ANK1: variants seen among roughly 807,000 people sequenced by gnomAD.
ANK1 encodes the protein ankyrin 1.
Under a neutral mutation model 210.4 loss-of-function variants are expected in ANK1, and 51 were observed. The ratio of observed to expected loss-of-function variants is 0.24; its 90% confidence interval spans 0.19 to 0.31. ANK1 has a LOEUF of 0.31. Ranked by LOEUF, ANK1 falls within the 10% of genes least tolerant of loss-of-function variation. The pLI is 1.00. For missense variants in ANK1, 2,051 were observed against 2,504.4 expected (o/e 0.82, Z 3.86); for synonymous variants, 967 against 1,025.9 (o/e 0.94, Z 1.10).
At chr8:41,806,207 T>TA (rs1236993486) in intron 1 of ANK1, among the ~76,000 whole-genome samples, 1 of 152,166 alleles carries the variant, frequency 6.6e-6, no homozygotes, top group Non-Finnish European at 1.5e-5. Context: ...AAGCTATTTT[T>TA]AAAAATCACA....
intron 42 of ANK1, among the ~76,000 whole-genome samples, chr8:41,657,291 T>C (rs1806087753): frequency 6.6e-6 from 1 of 152,198 alleles, no homozygotes; most frequent in African/African-American, 2.4e-5. Flanking sequence ...TCAAGTCCCA[T>C]GCTGCCTGAC....
In ANK1 at chr8:41,715,748, G is replaced by A. The variant is rs34387324; in HGVS notation, c.1506C>T (p.Ala502=). The change falls in exon 14 of 43, where the codon GCC becomes GCT. Residue 502 remains alanine, a synonymous_variant. Transcript: ENST00000289734. ...CTGCAATGTGCAGGGGGGTGTGCCC[G>A]GCGGTGGTGGCCAGGTTGGGGTTGG... ...NNANPNLATT[A]GHTPLHIAAR... The A allele has an allele frequency of 6.2e-3, 9,948 of 1,614,234 alleles. 47 individuals carry two copies. Among genetic ancestry groups the A allele is most frequent in the Non-Finnish European group, 7.8e-3 (9,214 of 1,180,048 alleles).
At chr8:41,850,278 T>C (rs529117305) in intron 1 of ANK1, among the ~76,000 whole-genome samples, 145 of 152,160 alleles carry the variant, frequency 9.5e-4, no homozygotes, top group African/African-American at 3.1e-3. Flanking sequence ...TGAAACTAAA[T>C]AATGCTTAAG....
intron 1 of ANK1, among the ~76,000 whole-genome samples, chr8:41,775,247 G>A (rs1049288421): frequency 6.6e-6 from 1 of 152,206 alleles, no homozygotes; most frequent in Non-Finnish European, 1.5e-5. Flanking sequence ...TCTGGAGCAG[G>A]CGGGGCCGAC....
At chr8:41,786,073 A>AAAGCATTGTATCTT (rs1846313002) in intron 1 of ANK1, among the ~76,000 whole-genome samples, 1 of 152,060 alleles carries the variant, frequency 6.6e-6, no homozygotes, top group Non-Finnish European at 1.5e-5. Context: ...CCTCCTCCCG[A>AAAGCATTGTATCTT]GTTTCCAAAG....
At chr8:41,769,514 G>A (rs868270550) in intron 1 of ANK1, among the ~76,000 whole-genome samples, 3 of 152,202 alleles carry the variant, frequency 2.0e-5, no homozygotes, top group African/African-American at 4.8e-5. Context: ...GAGAGAGAGA[G>A]AAAATTCCCC....
chr8:41,660,701 C>A (rs138348144), intron 42 of ANK1, among the ~76,000 whole-genome samples: 39 of 152,322 alleles, frequency 2.6e-4, no homozygotes, highest in African/African-American at 8.9e-4. Context: ...CCAACCCTGA[C>A]GGTCTCCTGA....
chr8:41,842,398 C>A (rs566979217), intron 1 of ANK1, among the ~76,000 whole-genome samples: 1 of 152,058 alleles, frequency 6.6e-6, no homozygotes, highest in African/African-American at 2.4e-5. Flanking sequence ...GAGGCTGAGG[C>A]AGGAGAATCA....
At chr8:41,664,045 C>T in intron 39 of ANK1, 1 of 544,774 alleles carries the variant, frequency 1.8e-6, no homozygotes, top group Non-Finnish European at 3.5e-6. Flanking sequence ...ACGGAGGAGG[C>T]CCTGAGAGAG....
chr8:41,820,383 A>C (rs1804051398), intron 1 of ANK1, among the ~76,000 whole-genome samples: 1 of 146,874 alleles, frequency 6.8e-6, no homozygotes, highest in African/African-American at 2.5e-5. Flanking sequence ...GTGTGTGTAG[A>C]CATGGTCTCC....
At chr8:41,855,463 C>T (rs1812022507) in intron 1 of ANK1, among the ~76,000 whole-genome samples, 1 of 152,226 alleles carries the variant, frequency 6.6e-6, no homozygotes. Flanking sequence ...TTTTGGATCA[C>T]TGGGTCATGT....
intron 1 of ANK1, among the ~76,000 whole-genome samples, chr8:41,787,034 A>G (rs569419266): frequency 6.6e-6 from 1 of 152,270 alleles, no homozygotes; most frequent in Admixed American, 6.5e-5. Flanking sequence ...TCCACTCCAC[A>G]TGTATTTATT....
chr8:41,836,643 G>A (rs148598958), intron 1 of ANK1, among the ~76,000 whole-genome samples: 180 of 152,380 alleles, frequency 1.2e-3, no homozygotes, highest in African/African-American at 4.3e-3. Flanking sequence ...GAGGGTAAGA[G>A]GTGGATGCAG....
At chr8:41,821,216 A>G (rs1339636554) in intron 1 of ANK1, among the ~76,000 whole-genome samples, 1 of 152,224 alleles carries the variant, frequency 6.6e-6, no homozygotes, top group Non-Finnish European at 1.5e-5. Context: ...AAATCATGAG[A>G]GACTTTGTCA....
At position 41,723,623 on chromosome 8, in the gene ANK1, G is replaced by A. The variant is rs761960519; in HGVS notation, c.722C>T (p.Thr241Met). The A allele has an allele frequency of 4.3e-6, 7 of 1,613,072 alleles. No individual in the cohort carries two copies. Among genetic ancestry groups the A allele is most frequent in the Admixed American group, 1.7e-5 (1 of 60,008 alleles). Residue 241 changes from threonine to methionine, a missense_variant, in exon 8 of 43, where the codon ACG (threonine) becomes ATG (methionine). Thr to Met is a moderately conservative substitution (Grantham distance 81). Transcript: ENST00000289734. ...SVNFTPQNGI[T>M]PLHIASRRGN... The stretch of plus-strand genomic sequence containing the variant: ...CCTGCGGGAGGCGATGTGCAGTGGC[G>A]TGATGCCGTTCTGAAGGGAGGAAGC...
chr8:41,688,593 C>T lies in ANK1; in HGVS notation c.4105-4G>A. ...TCCTATCTTCGGCTCCACTTCCCTG[C>T]AGAAGAAGAAAGGGTGCTTTGGGTT... is the stretch of plus-strand genomic sequence containing the variant. On this transcript the variant is annotated splice_polypyrimidine_tract_variant and splice_region_variant and intron_variant, in intron 33 of 42. Transcript: ENST00000289734. 1 of 1,614,032 alleles carries T rather than the reference C, an allele frequency of 6.2e-7. No homozygotes were observed. Among genetic ancestry groups the T allele is most frequent in the Non-Finnish European group, 8.5e-7 (1 of 1,179,900 alleles).
chr8:41,797,677 C>T (rs1348557320), upstream of ANK1: 2 of 1,319,970 alleles, frequency 1.5e-6, no homozygotes, highest in Non-Finnish European at 2.0e-6. This position sits in a 1 kb window ranked among gnomAD's most constrained non-coding sequence, Gnocchi z 4.0. Flanking sequence ...GCCCCAGAGG[C>T]GCTTGCTGTC....
chr8:41,819,156 C>T (rs895961387), intron 1 of ANK1, among the ~76,000 whole-genome samples: 2 of 152,194 alleles, frequency 1.3e-5, no homozygotes, highest in Non-Finnish European at 2.9e-5. Context: ...CAGCAGAGAG[C>T]TTTCTTCTTT....
At chr8:41,824,851 G>C (rs913598063) in intron 1 of ANK1, among the ~76,000 whole-genome samples, 2 of 152,216 alleles carry the variant, frequency 1.3e-5, no homozygotes, top group Non-Finnish European at 2.9e-5. Context: ...GTGAAGGCAG[G>C]GGGTGTGGAG....
Sources: gnomAD v4.1 joint callset for allele counts (sites outside exome capture counted in the v4.1 genomes callset) on GRCh38, gnomAD v4.1.1 for gene constraint, Gnocchi (gnomAD v3.1) non-coding constraint, MANE v1.5 for transcripts, NCBI Gene and HGNC (gene_info 2026-07-23, HGNC 2026-07-21) for gene names.